The following ADGRE3 variants were observed in gnomAD, a reference collection of about 807,000 sequenced individuals.
The protein encoded by ADGRE3 is adhesion G protein-coupled receptor E3.
A neutral mutation model predicts 80.1 loss-of-function variants in ADGRE3; 88 were observed. The observed-to-expected ratio is 1.10, with a 90% CI of 0.93 to 1.31. ADGRE3 has a LOEUF of 1.31. Ranked by LOEUF, ADGRE3 falls within the 40% of genes most tolerant of loss-of-function variation. The pLI, the probability that ADGRE3 is intolerant of heterozygous loss-of-function variation, is 0.00. For synonymous variants in ADGRE3, 281 were observed against 294.8 expected (o/e 0.95, Z 0.48); for missense variants, 715 against 776.5 (o/e 0.92, Z 0.94).
chr19:14,631,351 AATATT>A (rs1348425898), intron 13 of ADGRE3, among the ~76,000 whole-genome samples: 1 of 146,984 alleles, frequency 6.8e-6, no homozygotes, highest in Non-Finnish European at 1.5e-5. Context: ...AATGTATATA[AATATT>A]ATATATCAAT....
At chr19:14,610,236 C>G in the ADGRE3 span, 1 of 1,545,042 alleles carries the variant, frequency 6.5e-7, no homozygotes, top group Non-Finnish European at 8.7e-7. Context: ...CTGAGTGTCT[C>G]TTTGAGATGA....
intron 11 of ADGRE3, among the ~76,000 whole-genome samples, chr19:14,635,997 CT>C (rs1971026866): frequency 1.7e-4 from 5 of 30,044 alleles, no homozygotes; most frequent in Non-Finnish European, 4.5e-4. Context: ...TCCTTTCTCT[CT>C]CTTTCTCTTT....
At chr19:14,604,579 A>T in the ADGRE3 span, among the ~76,000 whole-genome samples, 1 of 152,028 alleles carries the variant, frequency 6.6e-6, no homozygotes, top group Non-Finnish European at 1.5e-5. Context: ...CCTGGCCAAC[A>T]TGGTGAAACC....
intron 12 of ADGRE3, 111 bp downstream of exon 12, chr19:14,633,125 G>T: frequency 7.9e-7 from 1 of 1,269,718 alleles, no homozygotes; most frequent in Non-Finnish European, 1.1e-6. Flanking sequence ...ATTGGTAGCA[G>T]GTGGAAAATC....
downstream of ADGRE3, among the ~76,000 whole-genome samples, chr19:14,617,341 C>CCTCTCTTTCTTTCTTT: frequency 5.2e-5 from 3 of 57,170 alleles, no homozygotes; most frequent in African/African-American, 1.2e-4. Flanking sequence ...TCCCTCCCTC[C>CCTCTCTTTCTTTCTTT]CTTTCTTTCT....
chr19:14,630,138 C>G lies in ADGRE3; in HGVS notation c.1713G>C (p.Gln571His), dbSNP rs747179542. 3.1e-6 allele frequency: 5 copies of G among 1,613,766 alleles called. No individual in the cohort carries two copies. The highest frequency in any genetic ancestry group is 4.2e-6 in the Non-Finnish European group (5 of 1,179,726). Reference sequence around the variant, plus strand: ...CCATGACCTGGGCAGCTGGACCCACCTGTAGCAAGCCCAGACACCATGTGC... The same window carrying G: ...CCATGACCTGGGCAGCTGGACCCACGTGTAGCAAGCCCAGACACCATGTGC... ...LGCTWCLGLLQVGPAAQVMAY... is the reference protein window; with the variant it reads ...LGCTWCLGLLHVGPAAQVMAY... Residue 571 changes from glutamine (Q) to histidine (H), a missense_variant, in exon 14 of 16, where the codon CAG (glutamine) becomes CAC (histidine). By Grantham distance (24) the Gln-to-His change is conservative (BLOSUM62 0). Coordinates refer to ENST00000253673, the MANE Select transcript of ADGRE3 (RefSeq NM_032571.5).
At chr19:14,616,063 C>G (rs1650622100), downstream of ADGRE3, among the ~76,000 whole-genome samples, 1 of 151,678 alleles carries the variant, frequency 6.6e-6, no homozygotes, top group Non-Finnish European at 1.5e-5. Context: ...TCCCGAGTAG[C>G]TGGGACTACA....
At chr19:14,618,416 A>G (rs2075095741), downstream of ADGRE3, among the ~76,000 whole-genome samples, 1 of 152,008 alleles carries the variant, frequency 6.6e-6, no homozygotes, top group South Asian at 2.1e-4. Flanking sequence ...TTAGCTGGGC[A>G]TGGTGGCATG....
chr19:14,664,097 C>A (rs1202252943), intron 2 of ADGRE3, among the ~76,000 whole-genome samples: 1 of 152,112 alleles, frequency 6.6e-6, no homozygotes, highest in East Asian at 1.9e-4. Context: ...GTGGCTCACT[C>A]CGCCTGGTGA....
At chr19:14,600,471 T>C in the ADGRE3 span, among the ~76,000 whole-genome samples, 8 of 152,364 alleles carry the variant, frequency 5.3e-5, no homozygotes, top group East Asian at 1.5e-3. Context: ...GGTAGCACTT[T>C]TTATGTTTCA....
chr19:14,616,949 C>T (rs762541998), downstream of ADGRE3, among the ~76,000 whole-genome samples: 4 of 151,950 alleles, frequency 2.6e-5, no homozygotes, highest in Non-Finnish European at 1.5e-5. Flanking sequence ...ACATGCGCCA[C>T]CACGCCTGGC....
At chr19:14,615,965 ACTT>A (rs976370384), downstream of ADGRE3, among the ~76,000 whole-genome samples, 3 of 127,072 alleles carry the variant, frequency 2.4e-5, no homozygotes, top group African/African-American at 5.5e-5. Context: ...TCTCTGCCTT[ACTT>A]TTTTTTTTTT....
chr19:14,638,441 A>T, intron 10 of ADGRE3, 101 bp from the exon 11 acceptor site: 1 of 775,786 alleles, frequency 1.3e-6, no homozygotes, highest in Non-Finnish European at 2.1e-6. Context: ...ACCTGACATC[A>T]GACCAAGGGC....
chr19:14,603,821 T>A, the ADGRE3 span, among the ~76,000 whole-genome samples: 1 of 152,190 alleles, frequency 6.6e-6, no homozygotes, highest in Admixed American at 6.6e-5. Flanking sequence ...GCACCTACTA[T>A]GTGCTGGAGA....
At chr19:14,654,790 C>T (rs1050684426) in intron 6 of ADGRE3, among the ~76,000 whole-genome samples, 192 bp downstream of exon 6, 1 of 152,048 alleles carries the variant, frequency 6.6e-6, no homozygotes. Context: ...TTTCTCATGC[C>T]TCTGCCACCC....
chr19:14,659,661 A>G (rs1599646377), intron 4 of ADGRE3, among the ~76,000 whole-genome samples: 1 of 151,726 alleles, frequency 6.6e-6, no homozygotes, highest in South Asian at 2.1e-4. Flanking sequence ...TCTCTACTAA[A>G]AATACAAAAA....
intron 11 of ADGRE3, among the ~76,000 whole-genome samples, chr19:14,633,629 C>T (rs574357061): frequency 4.7e-5 from 7 of 150,398 alleles, no homozygotes; most frequent in South Asian, 4.2e-4. Context: ...GGCGTGAACT[C>T]GGTAAGCGGA....
intron 7 of ADGRE3, 98 bp from the exon 8 acceptor site, chr19:14,647,463 C>A: frequency 2.0e-6 from 2 of 1,000,648 alleles, no homozygotes; most frequent in Non-Finnish European, 2.8e-6. Context: ...CCCAGCCAGG[C>A]TGGAGTGCAG....
chr19:14,609,111 G>T, the ADGRE3 span, among the ~76,000 whole-genome samples: 3 of 152,032 alleles, frequency 2.0e-5, no homozygotes, highest in African/African-American at 7.2e-5. Flanking sequence ...AACATTGGCT[G>T]CTAAAGGCTC....
Sources: gnomAD v4.1 joint callset for allele counts (sites outside exome capture counted in the v4.1 genomes callset) on GRCh38, gnomAD v4.1.1 for gene constraint, MANE v1.5 for transcripts, NCBI Gene and HGNC (gene_info 2026-07-23, HGNC 2026-07-21) for gene names.